TMEFF1: variants seen among roughly 807,000 people sequenced by gnomAD.
TMEFF1 encodes the protein tomoregulin-1.
In TMEFF1, 20 loss-of-function variants were observed where a neutral mutation model predicts 47.5. The ratio of observed to expected loss-of-function variants is 0.42; its 90% CI spans 0.30 to 0.61. The LOEUF (loss-of-function observed/expected upper bound fraction) is 0.61, where lower values mean the gene tolerates loss of function less well. TMEFF1 is among the 20% of genes least tolerant of loss of function. The pLI is 0.19. For synonymous variants in TMEFF1, 162 were observed against 166.3 expected, an observed-to-expected ratio of 0.97 and a Z score of 0.20; for missense variants, 411 against 471.1, an observed-to-expected ratio of 0.87 and a Z score of 1.18.
intron 5 of TMEFF1, among the ~76,000 whole-genome samples, chr9:100,538,891 T>C (rs570458767): frequency 9.9e-5 from 15 of 152,270 alleles, no homozygotes; most frequent in Non-Finnish European, 2.1e-4. Context: ...CATTTTCTGG[T>C]ATACACGAGT....
chr9:100,511,159 T>C (rs1837957714), intron 3 of TMEFF1, among the ~76,000 whole-genome samples: 1 of 152,230 alleles, frequency 6.6e-6, no homozygotes, highest in South Asian at 2.1e-4. Context: ...GTGTGGTTCT[T>C]ATATACTTCT....
At chr9:100,545,292 A>C (rs1431547980) in intron 5 of TMEFF1, among the ~76,000 whole-genome samples, 2 of 152,130 alleles carry the variant, frequency 1.3e-5, no homozygotes, top group Non-Finnish European at 2.9e-5. Context: ...CATCCTCTGA[A>C]ATCTAGGTGG....
intron 9 of TMEFF1, among the ~76,000 whole-genome samples, chr9:100,575,290 C>A (rs78415522): frequency 1.2e-3 from 180 of 152,180 alleles, no homozygotes; most frequent in African/African-American, 4.2e-3. Flanking sequence ...TTTTTTTCTT[C>A]TTCTTGGAAT....
At chr9:100,518,287 C>T in intron 5 of TMEFF1, 1 of 239,148 alleles carries the variant, frequency 4.2e-6, no homozygotes, top group Non-Finnish European at 6.8e-6. Flanking sequence ...TGATAAAATA[C>T]ATATCTTTAT....
chr9:100,549,072 A>G (rs1838787422), intron 6 of TMEFF1, among the ~76,000 whole-genome samples: 1 of 152,210 alleles, frequency 6.6e-6, no homozygotes, highest in South Asian at 2.1e-4. Flanking sequence ...TGGTCAGTGT[A>G]TTAGTTCATC....
chr9:100,514,529 G>A (rs1456243456), intron 4 of TMEFF1, among the ~76,000 whole-genome samples: 1 of 152,026 alleles, frequency 6.6e-6, no homozygotes, highest in Non-Finnish European at 1.5e-5. Flanking sequence ...TTAAAGAAGT[G>A]AGAGTTGATC....
At chr9:100,494,875 G>C (rs1052657639) in intron 1 of TMEFF1, among the ~76,000 whole-genome samples, 1 of 152,144 alleles carries the variant, frequency 6.6e-6, no homozygotes, top group African/African-American at 2.4e-5. Context: ...TGGAATATTT[G>C]TATTAGTATT....
At chr9:100,516,809 G>A in intron 5 of TMEFF1, 38 bp downstream of exon 5, 1 of 1,601,070 alleles carries the variant, frequency 6.2e-7, no homozygotes, top group African/African-American at 1.3e-5. Context: ...GTTATTTAGA[G>A]ATTAATCATC....
chr9:100,496,057 T>G (rs183460871), intron 1 of TMEFF1, among the ~76,000 whole-genome samples: 156 of 152,344 alleles, frequency 1.0e-3, no homozygotes, highest in African/African-American at 3.6e-3. Flanking sequence ...TCCCCATGTA[T>G]TATGTCTTGT....
intron 8 of TMEFF1, among the ~76,000 whole-genome samples, chr9:100,566,110 G>C (rs190518276): frequency 1.8e-3 from 277 of 152,270 alleles, no homozygotes; most frequent in Middle Eastern, 0.01. Flanking sequence ...GAATTATACT[G>C]TCTCTTGTTT....
chr9:100,486,670 C>G (rs1351247850), intron 1 of TMEFF1, among the ~76,000 whole-genome samples: 1 of 152,176 alleles, frequency 6.6e-6, no homozygotes, highest in East Asian at 1.9e-4. Flanking sequence ...ATGTCTCCCT[C>G]TGTTGTCAAA....
intron 5 of TMEFF1, among the ~76,000 whole-genome samples, chr9:100,530,130 A>G (rs1306481708): frequency 3.3e-5 from 5 of 151,644 alleles, no homozygotes; most frequent in African/African-American, 1.2e-4. Flanking sequence ...AAATGCCCAC[A>G]AGAGAAAGCA....
chr9:100,545,874 T>C (rs892731492), intron 5 of TMEFF1, among the ~76,000 whole-genome samples: 1 of 152,232 alleles, frequency 6.6e-6, no homozygotes, highest in African/African-American at 2.4e-5. Flanking sequence ...CCAATCTCTT[T>C]GCTAAAACAT....
chr9:100,575,476 G>A (rs989425594), intron 9 of TMEFF1, among the ~76,000 whole-genome samples: 1 of 152,144 alleles, frequency 6.6e-6, no homozygotes, highest in Non-Finnish European at 1.5e-5. Context: ...CTGTCAGCTA[G>A]TTTTCTCATT....
In TMEFF1 at chr9:100,572,623, T is replaced by C; in HGVS notation, c.1005T>C (p.Ile335=). Residue 335 remains isoleucine (I), a synonymous_variant, in exon 9 of 10, where the codon ATT becomes ATC. Transcript: ENST00000374879. ...TCACTCATGTTCTTATTGCAGCAAT[T>C]ATTGGAGCTGTACAGATTGCCATCA... ...QKLTHVLIAA[I]IGAVQIAIIV... 6.2e-7 allele frequency: 1 copy of C among 1,613,550 alleles called. No homozygotes were observed. Among genetic ancestry groups the C allele is most frequent in the Non-Finnish European group, 8.5e-7 (1 of 1,179,714 alleles).
intron 5 of TMEFF1, among the ~76,000 whole-genome samples, chr9:100,540,882 T>G (rs1410707085): frequency 1.3e-5 from 2 of 152,232 alleles, no homozygotes; most frequent in African/African-American, 4.8e-5. Context: ...TATTTCTATT[T>G]TTTTGCTCCC....
At position 100,547,883 on chromosome 9, in the gene TMEFF1, C is replaced by A; in HGVS notation, c.700C>A (p.His234Asn). Residue 234 changes from histidine to asparagine, a missense_variant, in exon 6 of 10, where the codon CAT becomes AAT. His to Asn is a moderately conservative substitution (Grantham distance 68). Coordinates refer to ENST00000374879, the MANE Select transcript of TMEFF1 (RefSeq NM_003692.5). Reference sequence around the variant, plus strand: ...ACAAATTGATATAAGGCATCTTGGTCATTGCACAGGTAAAATCCATTTTAT... The same window carrying A: ...ACAAATTGATATAAGGCATCTTGGTAATTGCACAGGTAAAATCCATTTTAT... ...QEQIDIRHLG[H>N]CTDTDDTSLL... The A allele has an allele frequency of 2.5e-6, 4 of 1,599,770 alleles. No homozygotes were observed. The South Asian group carries it at 4.5e-5, about 18-fold the overall frequency.
At chr9:100,540,056 T>C (rs1204631681) in intron 5 of TMEFF1, among the ~76,000 whole-genome samples, 1 of 152,202 alleles carries the variant, frequency 6.6e-6, no homozygotes, top group Non-Finnish European at 1.5e-5. Context: ...CACAGAGTGC[T>C]GATTGGTGCG....
intron 1 of TMEFF1, among the ~76,000 whole-genome samples, chr9:100,495,652 C>A (rs1837637984): frequency 6.6e-6 from 1 of 152,128 alleles, no homozygotes; most frequent in African/African-American, 2.4e-5. Context: ...CACATTTATG[C>A]ATGAACACAC....
Sources: gnomAD v4.1 joint callset for allele counts (sites outside exome capture counted in the v4.1 genomes callset) on GRCh38, gnomAD v4.1.1 for gene constraint, MANE v1.5 for transcripts, NCBI Gene and HGNC (gene_info 2026-07-23, HGNC 2026-07-21) for gene names.